ADAMTS6: variants seen among roughly 807,000 people sequenced by gnomAD.
ADAMTS6 encodes the protein A disintegrin and metalloproteinase with thrombospondin motifs 6.
Under a neutral mutation model 144.3 loss-of-function variants are expected in ADAMTS6, and 23 were observed. The observed-to-expected ratio is 0.16, with a 90% CI of 0.11 to 0.23. The LOEUF (loss-of-function observed/expected upper bound fraction) is 0.23, where lower values mean the gene tolerates loss of function less well. Ranked by LOEUF, ADAMTS6 falls within the 10% of genes least tolerant of loss-of-function variation. The pLI is 1.00. For synonymous variants in ADAMTS6, 444 were observed against 457.5 expected, an observed-to-expected ratio of 0.97 and a Z score of 0.38; for missense variants, 999 against 1,379.6, an observed-to-expected ratio of 0.72 and a Z score of 4.37.
intron 18 of ADAMTS6, among the ~76,000 whole-genome samples, chr5:65,217,431 A>C (rs1757011735): frequency 6.6e-6 from 1 of 151,914 alleles, no homozygotes; most frequent in Non-Finnish European, 1.5e-5. Context: ...GGCTGCTAGG[A>C]ATATATAACT....
At chr5:65,334,416 A>C (rs1747112903) in intron 7 of ADAMTS6, among the ~76,000 whole-genome samples, 1 of 152,240 alleles carries the variant, frequency 6.6e-6, no homozygotes, top group Non-Finnish European at 1.5e-5. Context: ...CTACTTCTGC[A>C]AAACGCAAAT....
intron 9 of ADAMTS6, among the ~76,000 whole-genome samples, chr5:65,325,049 C>G (rs1746030023): frequency 6.6e-6 from 1 of 152,092 alleles, no homozygotes; most frequent in African/African-American, 2.4e-5. Flanking sequence ...AAAAGAGTAC[C>G]CACTGAGTAA....
chr5:65,316,056 C>T (rs1744963616), intron 9 of ADAMTS6, among the ~76,000 whole-genome samples: 1 of 152,150 alleles, frequency 6.6e-6, no homozygotes, highest in Non-Finnish European at 1.5e-5. Context: ...GGACTACAGG[C>T]ACCTGCTGTC....
chr5:65,282,792 T>A (rs967334689), intron 11 of ADAMTS6, among the ~76,000 whole-genome samples: 5 of 152,058 alleles, frequency 3.3e-5, no homozygotes, highest in African/African-American at 9.7e-5. Context: ...ATGAGGTATG[T>A]CTGACCCCAC....
intron 7 of ADAMTS6, among the ~76,000 whole-genome samples, chr5:65,353,744 A>T (rs1442940896): frequency 1.3e-5 from 2 of 151,962 alleles, no homozygotes; most frequent in Non-Finnish European, 1.5e-5. Flanking sequence ...TTGTGAGTAC[A>T]GCAGTTAACA....
intron 20 of ADAMTS6, among the ~76,000 whole-genome samples, chr5:65,212,053 A>G (rs1312827727): frequency 1.3e-5 from 2 of 152,214 alleles, no homozygotes; most frequent in African/African-American, 4.8e-5. Context: ...AGCGAGCAAC[A>G]AAATCACCTG....
rs147208334 is a variant in ADAMTS6, at chr5:65,354,577, T to C, written c.1074-20492A>G. On this transcript the variant is annotated intron_variant, in intron 7 of 24. Transcript: ENST00000381055. ...TAGATATGGCTAATTCAGTCGTTAA[T>C]AAAATTGTTATTTTGAATTGATATT... is the stretch of plus-strand genomic sequence containing the variant. Among the ~76,000 whole-genome samples the C allele has an allele frequency of 3.8e-3, 585 of 151,964 alleles. 2 individuals carry two copies. The highest frequency in any genetic ancestry group is 0.013 in the African/African-American group (541 of 41,552).
chr5:65,226,593 A>T (rs1463851072), intron 15 of ADAMTS6, among the ~76,000 whole-genome samples: 1 of 150,096 alleles, frequency 6.7e-6, no homozygotes. Context: ...AAGAAAAACA[A>T]TTTTTTTTTT....
chr5:65,310,128 C>T (rs1202507701), intron 9 of ADAMTS6, among the ~76,000 whole-genome samples: 3 of 151,826 alleles, frequency 2.0e-5, no homozygotes, highest in African/African-American at 7.3e-5. Flanking sequence ...CTCTCTCTTG[C>T]TCCTGCTCCC....
chr5:65,464,828 A>G (rs920679432), intron 3 of ADAMTS6, among the ~76,000 whole-genome samples: 4 of 152,120 alleles, frequency 2.6e-5, no homozygotes, highest in Non-Finnish European at 5.9e-5. Context: ...CTGTCCCTCT[A>G]ATATGCCAAC....
At chr5:65,394,949 A>T (rs1388013007) in intron 7 of ADAMTS6, among the ~76,000 whole-genome samples, 1 of 152,194 alleles carries the variant, frequency 6.6e-6, no homozygotes, top group Non-Finnish European at 1.5e-5. Context: ...AATCCTATGA[A>T]GTAGCAGAGC....
At chr5:65,397,080 A>G (rs1162553585) in intron 7 of ADAMTS6, among the ~76,000 whole-genome samples, 1 of 152,186 alleles carries the variant, frequency 6.6e-6, no homozygotes, top group Non-Finnish European at 1.5e-5. Context: ...TGTGTCTTTC[A>G]AGGAATTAGT....
intron 7 of ADAMTS6, among the ~76,000 whole-genome samples, chr5:65,414,838 C>T (rs529399032): frequency 5.9e-5 from 9 of 152,138 alleles, no homozygotes; most frequent in Non-Finnish European, 1.0e-4. Flanking sequence ...TAATTCAAAA[C>T]GAACCCAAAG....
intron 20 of ADAMTS6, among the ~76,000 whole-genome samples, chr5:65,203,318 G>A (rs1461942396): frequency 6.6e-6 from 1 of 152,186 alleles, no homozygotes; most frequent in African/African-American, 2.4e-5. Context: ...GAGGCCAGGA[G>A]TTCTAGGCTG....
rs752517479 is a variant in ADAMTS6 at position 65,273,301 on chromosome 5, T to C, written c.1620+39A>G. Reference sequence around the variant, plus strand: ...ATCAGTACCAGCAATTTATCACTTTTGTATACATGTCAAACAGGTAGTAAA... The same window carrying C: ...ATCAGTACCAGCAATTTATCACTTTCGTATACATGTCAAACAGGTAGTAAA... On this transcript the variant is annotated intron_variant, in intron 12 of 24. Coordinates refer to ENST00000381055, the MANE Select transcript of ADAMTS6 (RefSeq NM_197941.4). 4 of 1,569,904 alleles carry C rather than the reference T, an allele frequency of 2.5e-6. No homozygotes were observed. The African/African-American group carries it at 5.4e-5, about 21-fold the overall frequency.
chr5:65,341,331 T>C (rs1216878282), intron 7 of ADAMTS6, among the ~76,000 whole-genome samples: 1 of 151,562 alleles, frequency 6.6e-6, no homozygotes, highest in East Asian at 1.9e-4. Flanking sequence ...AACCCCAAAT[T>C]TGTAGAAGAA....
intron 11 of ADAMTS6, among the ~76,000 whole-genome samples, chr5:65,278,791 T>C (rs1404745314): frequency 6.6e-6 from 1 of 152,190 alleles, no homozygotes; most frequent in East Asian, 1.9e-4. Flanking sequence ...TTAATTGTAT[T>C]CTCATTTTTT....
At position 65,170,772 on chromosome 5, in the gene ADAMTS6, C is replaced by T; in HGVS notation, c.3089G>A (p.Cys1030Tyr). 6.2e-7 allele frequency: 1 copy of T among 1,610,100 alleles called. No homozygotes were observed. The highest frequency in any genetic ancestry group is 1.1e-5 in the South Asian group (1 of 90,592). ...PRWVTGDWGQ[C>Y]SAQCGLGQQM... is the part of the protein sequence containing the mutation. ...CTGTCCAAGGCCACACTGAGCAGAA[C>T]ACTAAATCCAAAGACACAAAGAAAC... Residue 1030 changes from cysteine (C) to tyrosine (Y), a missense_variant and splice_region_variant, in exon 24 of 25, where the codon TGT becomes TAT. Cys to Tyr is a radical substitution (Grantham distance 194). This residue lies in a region of ADAMTS6 where 619 missense variants were observed against 837.0 expected (regional missense o/e 0.74). Transcript: ENST00000381055.
intron 13 of ADAMTS6, among the ~76,000 whole-genome samples, chr5:65,261,890 G>A (rs1761225420): frequency 6.6e-6 from 1 of 151,670 alleles, no homozygotes; most frequent in Admixed American, 6.6e-5. Context: ...GGGATCCTGA[G>A]TTAAAAATGG....
Sources: allele counts gnomAD v4.1 joint callset (sites outside exome capture counted in the v4.1 genomes callset), GRCh38; gene constraint gnomAD v4.1.1; regional missense constraint gnomAD v4.1.1; transcripts MANE v1.5; gene names NCBI Gene and HGNC (gene_info 2026-07-23, HGNC 2026-07-21).